Variants in PDE10A observed in about 807,000 individuals in gnomAD.
The protein encoded by PDE10A is cAMP and cAMP-inhibited cGMP 3',5'-cyclic phosphodiesterase 10A.
Under a neutral mutation model 97.7 loss-of-function variants are expected in PDE10A, and 39 were observed. The ratio of observed to expected loss-of-function variants is 0.40; its 90% CI spans 0.31 to 0.52. The LOEUF (loss-of-function observed/expected upper bound fraction) is 0.52. Ranked by LOEUF, PDE10A falls within the 20% of genes least tolerant of loss-of-function variation. PDE10A has a pLI of 0.56. For synonymous variants in PDE10A, 371 were observed against 376.8 expected, an observed-to-expected ratio of 0.98 and a Z score of 0.18; for missense variants, 731 against 1,047.8, an observed-to-expected ratio of 0.70 and a Z score of 4.17.
At chr6:165,890,994 C>A (rs1347775341) in intron 1 of PDE10A, among the ~76,000 whole-genome samples, 2 of 152,172 alleles carry the variant, frequency 1.3e-5, no homozygotes, top group African/African-American at 4.8e-5. Context: ...TTCCCACAAC[C>A]TTACAACCTA....
At chr6:165,421,168 G>C (rs144969929) in intron 10 of PDE10A, among the ~76,000 whole-genome samples, 2 of 152,346 alleles carry the variant, frequency 1.3e-5, no homozygotes, top group Non-Finnish European at 2.9e-5. Flanking sequence ...GAGCCTGGGT[G>C]TGGTGGCTCA....
At chr6:165,713,443 G>T (rs372700509) in intron 1 of PDE10A, among the ~76,000 whole-genome samples, 3 of 152,176 alleles carry the variant, frequency 2.0e-5, no homozygotes, top group South Asian at 2.1e-4. Flanking sequence ...GCTTAGCATT[G>T]TCCGTTTTCA....
chr6:165,754,839 C>T lies in PDE10A; in HGVS notation c.-614-211271G>A, dbSNP rs548230683. ...TAATGCACTCAGCTGATGATCCTTT[C>T]GGGGTCAAAAATAGAGATGTTTCAC... On this transcript the variant is annotated intron_variant, in intron 1 of 19. Transcript: ENST00000366882. Among the ~76,000 whole-genome samples the T allele has an allele frequency of 5.9e-5, 9 of 152,222 alleles. No homozygotes were observed. In the South Asian group the frequency reaches 1.2e-3, roughly 21 times the overall value.
intron 1 of PDE10A, chr6:165,781,119 C>G (rs927490064): frequency 6.6e-6 from 1 of 152,196 alleles, no homozygotes; most frequent in Non-Finnish European, 1.5e-5. Flanking sequence ...TGGTTTGTTA[C>G]AAAGCCAGGA....
intron 1 of PDE10A, among the ~76,000 whole-genome samples, chr6:165,788,533 A>AG (rs1344146514): frequency 6.1e-5 from 9 of 148,468 alleles, no homozygotes; most frequent in East Asian, 1.9e-4. Flanking sequence ...AAAAAAAAAA[A>AG]AAAAAAGAAA....
chr6:165,839,896 T>TCCTCATCCCCATCCTATCTCCAATTCC (rs1562762551), intron 1 of PDE10A, among the ~76,000 whole-genome samples: 2 of 151,390 alleles, frequency 1.3e-5, no homozygotes, highest in African/African-American at 2.4e-5. Flanking sequence ...TCCATCCCCA[T>TCCTCATCCCCATCCTATCTCCAATTCC]TCCCATCTCC....
At chr6:165,783,788 G>A (rs12528870) in intron 1 of PDE10A, among the ~76,000 whole-genome samples, 19,789 of 152,160 alleles carry the variant, frequency 0.13, 2,386 homozygotes, top group African/African-American at 0.32. Flanking sequence ...TCATCCCAGA[G>A]AAGAGGAAAC....
At chr6:165,925,396 C>A (rs1782902974) in intron 1 of PDE10A, among the ~76,000 whole-genome samples, 2 of 152,126 alleles carry the variant, frequency 1.3e-5, no homozygotes, top group East Asian at 3.8e-4. Context: ...AACAGCTATG[C>A]CAGAGAAATA....
Position 165,807,623 on chromosome 6 carries a change from G to A in PDE10A, c.-615+179906C>T, listed in dbSNP as rs187927061. On this transcript the variant is annotated intron_variant, in intron 1 of 19. Coordinates refer to the PDE10A transcript ENST00000366882. The stretch of plus-strand genomic sequence containing the variant: ...GAAAGAAGAAAAGGACAAGTTCAAC[G>A]TCAACCTCCTGTTTATCTAGAGCTT... Among the ~76,000 whole-genome samples the A allele has an allele frequency of 2.0e-5, 3 of 152,262 alleles. No homozygotes were observed. In the East Asian group the frequency reaches 5.8e-4, roughly 30 times the overall value.
intron 1 of PDE10A, among the ~76,000 whole-genome samples, chr6:165,768,193 A>G (rs1479588684): frequency 6.6e-6 from 1 of 152,268 alleles, no homozygotes; most frequent in Non-Finnish European, 1.5e-5. Flanking sequence ...CACTAGACCC[A>G]TATCAGATAG....
At chr6:165,571,317 A>T (rs564704273) in intron 1 of PDE10A, among the ~76,000 whole-genome samples, 1 of 152,216 alleles carries the variant, frequency 6.6e-6, no homozygotes, top group African/African-American at 2.4e-5. Context: ...AAATATGAAA[A>T]TACTGGAGAA....
intron 1 of PDE10A, among the ~76,000 whole-genome samples, chr6:165,713,631 A>G (rs1307962311): frequency 5.3e-5 from 8 of 152,174 alleles, no homozygotes; most frequent in Non-Finnish European, 1.5e-5. Context: ...AGGAAAGAAG[A>G]CCAGACCTAC....
In PDE10A at chr6:165,741,213, G is replaced by A. The variant is rs74554310; in HGVS notation, c.-614-197645C>T. On this transcript the variant is annotated intron_variant, in intron 1 of 19. Coordinates refer to the PDE10A transcript ENST00000366882. Reference sequence around the variant, plus strand: ...GCGGTAATAATTTCACAGTATGTACGTATACCAAAACATTATTTTGTACAT... The same window carrying A: ...GCGGTAATAATTTCACAGTATGTACATATACCAAAACATTATTTTGTACAT... 5.4e-3 allele frequency among the ~76,000 whole-genome samples: 828 copies of A among 152,056 alleles called. 23 individuals are homozygous for A. The highest frequency in any genetic ancestry group is 0.042 in the Admixed American group (642 of 15,282).
chr6:165,620,331 G>C (rs919392484), intron 1 of PDE10A, among the ~76,000 whole-genome samples: 2 of 152,170 alleles, frequency 1.3e-5, no homozygotes, highest in African/African-American at 2.4e-5. Flanking sequence ...GTGATGATGG[G>C]GGGGTAGAAA....
chr6:165,713,966 A>G (rs1423223426), intron 1 of PDE10A, among the ~76,000 whole-genome samples: 1 of 152,254 alleles, frequency 6.6e-6, no homozygotes, highest in African/African-American at 2.4e-5. Context: ...AAAATACTTT[A>G]AGCCTGCCTT....
At chr6:165,657,654 G>A (rs1226063134) in intron 1 of PDE10A, among the ~76,000 whole-genome samples, 2 of 152,184 alleles carry the variant, frequency 1.3e-5, no homozygotes, top group African/African-American at 4.8e-5. Context: ...TATACTGATT[G>A]GGATAGCAGA....
chr6:165,607,996 C>G (rs1787293463), intron 1 of PDE10A, among the ~76,000 whole-genome samples: 2 of 151,728 alleles, frequency 1.3e-5, no homozygotes, highest in South Asian at 2.1e-4. Context: ...CAATGTCTCT[C>G]CCAGGACTCA....
At chr6:165,699,403 A>T (rs1311489636) in intron 1 of PDE10A, among the ~76,000 whole-genome samples, 1 of 152,234 alleles carries the variant, frequency 6.6e-6, no homozygotes, top group Middle Eastern at 3.2e-3. Context: ...GCAGGCTTCA[A>T]TACCCCAATT....
At chr6:165,734,505 T>A (rs1022322827) in intron 1 of PDE10A, among the ~76,000 whole-genome samples, 2 of 152,008 alleles carry the variant, frequency 1.3e-5, no homozygotes, top group African/African-American at 4.8e-5. Flanking sequence ...AACCATAATT[T>A]AAAAAAACTT....
Sources: gnomAD v4.1 joint callset for allele counts (sites outside exome capture counted in the v4.1 genomes callset) on GRCh38, gnomAD v4.1.1 for gene constraint, MANE v1.5 for transcripts, NCBI Gene and HGNC (gene_info 2026-07-23, HGNC 2026-07-21) for gene names.